CENPP: variants seen among roughly 807,000 people sequenced by gnomAD.
CENPP encodes centromere protein P.
Under a neutral mutation model 35.6 loss-of-function variants are expected in CENPP, and 24 were observed. The observed-to-expected ratio is 0.67, with a 90% CI of 0.49 to 0.95. The LOEUF (loss-of-function observed/expected upper bound fraction) is 0.95, where lower values mean the gene tolerates loss of function less well. CENPP is among the 40% of genes least tolerant of loss of function. The pLI is 0.00. For synonymous variants in CENPP, 120 were observed against 125.5 expected (o/e 0.96, Z 0.29); for missense variants, 332 against 345.3 (o/e 0.96, Z 0.31).
At chr9:92,589,508 A>C (rs1158635908) in intron 5 of CENPP, among the ~76,000 whole-genome samples, 4 of 152,200 alleles carry the variant, frequency 2.6e-5, no homozygotes, top group Non-Finnish European at 5.9e-5. Context: ...CTTGTCTGTC[A>C]ACCCTAACCC....
intron 4 of CENPP, among the ~76,000 whole-genome samples, chr9:92,371,998 G>A (rs1273137003): frequency 2.3e-5 from 3 of 127,784 alleles, no homozygotes; most frequent in Non-Finnish European, 4.7e-5. Context: ...CCCGAGACTC[G>A]TGCCACTGTA....
chr9:92,492,302 T>G (rs755466053), intron 5 of CENPP, among the ~76,000 whole-genome samples: 59 of 152,212 alleles, frequency 3.9e-4, no homozygotes, highest in Non-Finnish European at 7.5e-4. Flanking sequence ...TTGTCATAAT[T>G]TGTTAACATT....
chr9:92,502,970 G>A (rs1846782265), intron 5 of CENPP, among the ~76,000 whole-genome samples: 1 of 151,722 alleles, frequency 6.6e-6, no homozygotes, highest in Non-Finnish European at 1.5e-5. Context: ...ATGAAGCCTG[G>A]CTAATTTTTG....
chr9:92,546,458 C>T (rs185106576), intron 5 of CENPP, among the ~76,000 whole-genome samples: 1 of 152,312 alleles, frequency 6.6e-6, no homozygotes, highest in Non-Finnish European at 1.5e-5. Flanking sequence ...TGCAGCTTCG[C>T]TCCTGAAGCC....
chr9:92,580,784 T>C (rs1284521691), intron 5 of CENPP, among the ~76,000 whole-genome samples: 1 of 152,306 alleles, frequency 6.6e-6, no homozygotes, highest in African/African-American at 2.4e-5. Flanking sequence ...TGAAGGGTTT[T>C]TTGTGTGTCT....
At chr9:92,414,592 T>C (rs541234584) in intron 5 of CENPP, 1 of 209,122 alleles carries the variant, frequency 4.8e-6, no homozygotes, top group African/African-American at 2.3e-5. Flanking sequence ...AAATCAAAAA[T>C]ATCATTCTAT....
intron 4 of CENPP, among the ~76,000 whole-genome samples, chr9:92,352,026 T>C (rs1841461253): frequency 7.0e-6 from 1 of 142,302 alleles, no homozygotes; most frequent in East Asian, 2.0e-4. Context: ...TCTTTTCCTT[T>C]TTTTTTTTTT....
chr9:92,481,791 G>GA (rs932970144), intron 5 of CENPP, among the ~76,000 whole-genome samples: 2 of 151,720 alleles, frequency 1.3e-5, no homozygotes, highest in African/African-American at 4.8e-5. Context: ...ATTTATCAAG[G>GA]AAAAAAATGA....
intron 5 of CENPP, among the ~76,000 whole-genome samples, chr9:92,425,263 CAGTT>C (rs368128003): frequency 1.1e-4 from 17 of 152,228 alleles, no homozygotes; most frequent in African/African-American, 3.9e-4. Flanking sequence ...TAAAATTAGT[CAGTT>C]GGTTGCACTC....
chr9:92,354,763 G>T (rs1564275267), intron 4 of CENPP, among the ~76,000 whole-genome samples: 1 of 152,176 alleles, frequency 6.6e-6, no homozygotes, highest in Admixed American at 6.5e-5. Flanking sequence ...CAATATTTCA[G>T]CATAGGTTCT....
rs765345253 is a variant in CENPP at position 92,466,372 on chromosome 9, G to A, written c.564+86513G>A. 5.0e-6 allele frequency: 8 copies of A among 1,600,684 alleles called. No individual in the cohort carries two copies. In the East Asian group the frequency reaches 1.1e-4, roughly 22 times the overall value. On this transcript the variant is annotated intron_variant, in intron 5 of 7. Transcript: ENST00000375587. ...GAAAAACTTACCCAAAACGTGTAAA[G>A]CATTCATTCCTTTGAATGTGTCCTT...
chr9:92,430,095 C>T (rs931297460), intron 5 of CENPP, among the ~76,000 whole-genome samples: 5 of 152,084 alleles, frequency 3.3e-5, no homozygotes, highest in Admixed American at 6.5e-5. Context: ...TTAAATCCTC[C>T]GCATACCATT....
chr9:92,423,782 G>A (rs1308179162), intron 5 of CENPP, among the ~76,000 whole-genome samples: 2 of 152,072 alleles, frequency 1.3e-5, no homozygotes, highest in African/African-American at 4.8e-5. Flanking sequence ...AGTGAAATTT[G>A]TACAAATGCC....
chr9:92,392,634 G>GAA (rs148375786), intron 5 of CENPP, among the ~76,000 whole-genome samples: 2 of 143,504 alleles, frequency 1.4e-5, no homozygotes, highest in Admixed American at 6.9e-5. Context: ...GGAGGGGGGA[G>GAA]AAAAAAAAAA....
chr9:92,433,542 T>C (rs566419480), intron 5 of CENPP, among the ~76,000 whole-genome samples: 15 of 152,306 alleles, frequency 9.8e-5, no homozygotes, highest in African/African-American at 3.1e-4. Context: ...AGGGATTATA[T>C]AATTTGAGAT....
intron 5 of CENPP, chr9:92,522,571 T>G: frequency 6.2e-7 from 1 of 1,603,034 alleles, no homozygotes; most frequent in East Asian, 2.2e-5. Flanking sequence ...TAGTGTTCTC[T>G]TACCTGGTAA....
chr9:92,545,193 T>C (rs1163251680), intron 5 of CENPP, among the ~76,000 whole-genome samples: 1 of 151,908 alleles, frequency 6.6e-6, no homozygotes, highest in Non-Finnish European at 1.5e-5. Context: ...AGCTCCTTCC[T>C]GGGATGGCCG....
upstream of CENPP, chr9:92,325,946 G>T (rs775245568): frequency 3.3e-5 from 48 of 1,444,606 alleles, no homozygotes; most frequent in African/African-American, 6.2e-4. Context: ...GGTGAAGCGC[G>T]CAGGTCGGAG....
At chr9:92,571,773 G>A (rs1476141240) in intron 5 of CENPP, among the ~76,000 whole-genome samples, 6 of 152,116 alleles carry the variant, frequency 3.9e-5, no homozygotes, top group Non-Finnish European at 7.3e-5. Flanking sequence ...CCTGTATTGG[G>A]TGCATATATA....
Sources: gnomAD v4.1 joint callset for allele counts (sites outside exome capture counted in the v4.1 genomes callset) on GRCh38, gnomAD v4.1.1 for gene constraint, MANE v1.5 for transcripts, NCBI Gene and HGNC (gene_info 2026-07-23, HGNC 2026-07-21) for gene names.